NBPF12: variants seen among roughly 807,000 people sequenced by gnomAD.
The protein encoded by NBPF12 is NBPF member 12, also known as NBPF family member NBPF12.
NBPF12 carries 115 observed loss-of-function variants against 146.4 expected under a neutral mutation model. That is an observed-to-expected ratio of 0.79 (90% CI 0.68 to 0.92). The LOEUF (loss-of-function observed/expected upper bound fraction) is 0.92. Ranked by LOEUF, NBPF12 falls within the 40% of genes least tolerant of loss-of-function variation. The probability of loss-of-function intolerance (pLI) is 0.00; values close to 1 mark genes in which losing one functional copy is unlikely to be tolerated. For synonymous variants in NBPF12, 385 were observed against 508.9 expected (o/e 0.76, Z 3.28); for missense variants, 1,205 against 1,326.8 (o/e 0.91, Z 1.43).
exon 20 of NBPF12, chr1:146,983,034 A>G: frequency 6.2e-7 from 1 of 1,608,300 alleles, no homozygotes; most frequent in Non-Finnish European, 8.5e-7. Flanking sequence ...CCAGTCTTAC[A>G]GCAGCACATT....
At chr1:146,945,338 C>T (rs1399021758), upstream of NBPF12, among the ~76,000 whole-genome samples, 4 of 151,142 alleles carry the variant, frequency 2.6e-5, no homozygotes, top group East Asian at 8.0e-4. Flanking sequence ...GGGGCAGCTG[C>T]TGAGTCTCAG....
rs1656092080 is a variant in NBPF12 at position 146,964,889 on chromosome 1, T to C, written c.567-4T>C. On this transcript the variant is annotated splice_region_variant and splice_polypyrimidine_tract_variant and intron_variant, in intron 7 of 33. Coordinates refer to ENST00000617844, the Ensembl canonical transcript of NBPF12. ...TGTCATCTCTGTCCCACCTGGCTCA[T>C]CAGGGAGGTGCAGAAGGCTGAAGAG... The C allele has an allele frequency of 8.9e-6, 14 of 1,580,312 alleles. No homozygotes were observed. In the South Asian group the frequency reaches 1.4e-4, roughly 16 times the overall value.
At chr1:146,946,337 G>C (rs1247446196), upstream of NBPF12, among the ~76,000 whole-genome samples, 1 of 151,190 alleles carries the variant, frequency 6.6e-6, no homozygotes, top group Admixed American at 6.6e-5. Flanking sequence ...GGTTGTTCCT[G>C]ATCTTTGACA....
intron 8 of NBPF12, among the ~76,000 whole-genome samples, chr1:146,966,084 G>A (rs1553885615): frequency 1.3e-4 from 19 of 151,870 alleles, no homozygotes; most frequent in East Asian, 3.9e-4. Flanking sequence ...TGCAGCCTGC[G>A]CGACAGAGTG....
At chr1:146,976,488 C>T (rs1198808684) in intron 16 of NBPF12, among the ~76,000 whole-genome samples, 2 of 114,942 alleles carry the variant, frequency 1.7e-5, no homozygotes, top group African/African-American at 3.7e-5. Flanking sequence ...CCCTGAATAA[C>T]ACAGCAGAAG....
At chr1:146,940,555 CA>C (rs1176310781) in intron 1 of NBPF12, among the ~76,000 whole-genome samples, 97,767 of 133,552 alleles carry the variant, frequency 0.73, 34,664 homozygotes, top group East Asian at 0.91. Context: ...AACCCTGCCT[CA>C]AAAAAAAAAA....
chr1:146,994,175 G>T (rs1331789805), intron 33 of NBPF12, among the ~76,000 whole-genome samples, 157 bp from the exon 37 acceptor site: 222 of 125,650 alleles, frequency 1.8e-3, no homozygotes, highest in Admixed American at 2.1e-3. Context: ...ACCTGGCCCT[G>T]TTCTATCCCA....
chr1:146,957,787 T>A (rs1287294477), intron 2 of NBPF12: 1 of 130,710 alleles, frequency 7.7e-6, no homozygotes, highest in African/African-American at 2.7e-5. Context: ...GCCACGACTC[T>A]GCTAGCTGTG....
chr1:146,970,563 G>A (rs1387335491), intron 11 of NBPF12, 84 bp from the exon 15 acceptor site: 271,670 of 1,504,278 alleles, frequency 0.18, 26,091 homozygotes, highest in South Asian at 0.22. Flanking sequence ...ATACATAGAT[G>A]TTCATGTCTC....
intron 14 of NBPF12, among the ~76,000 whole-genome samples, chr1:146,973,562 A>C (rs1209313314): frequency 8.9e-6 from 1 of 111,974 alleles, no homozygotes; most frequent in Non-Finnish European, 1.9e-5. Context: ...GGCTGAGGCG[A>C]GTAGAGCACG....
chr1:146,994,674 A>T, exon 34 of NBPF12: 2 of 1,555,206 alleles, frequency 1.3e-6, no homozygotes, highest in Non-Finnish European at 1.7e-6. Context: ...AAGCCCAGAC[A>T]TAGGATGGGT....
At chr1:146,941,660 A>G (rs1202249688) in intron 1 of NBPF12, among the ~76,000 whole-genome samples, 1 of 145,188 alleles carries the variant, frequency 6.9e-6, no homozygotes, top group Non-Finnish European at 1.5e-5. Flanking sequence ...AGGCTGAGGC[A>G]GGAGAATTGC....
Position 146,963,947 on chromosome 1 carries a change from G to A in NBPF12, c.494-410G>A, listed in dbSNP as rs1221824710. Among the ~76,000 whole-genome samples, 11 of 134,640 alleles carry A rather than the reference G, an allele frequency of 8.2e-5. 1 individual carries two copies. Among genetic ancestry groups the A allele is most frequent in the Non-Finnish European group, 9.3e-5 (6 of 64,586 alleles). 88.3% of individuals were successfully genotyped at this position (134,640 alleles called of 152,430 possible). A position where few individuals can be genotyped will look rare whatever the true frequency, so the allele number is the denominator to read the frequency against. On this transcript the variant is annotated intron_variant, in intron 6 of 33. Coordinates refer to ENST00000617844, the Ensembl canonical transcript of NBPF12. ...ACATGGAGGGCCTGTGCAGTCTCAT[G>A]ACGAATAGAGGACTGTGGGACAAGT...
Position 146,939,139 on chromosome 1 carries a change from C to G in NBPF12, c.-822+157C>G, listed in dbSNP as rs1434630959. On this transcript the variant is annotated intron_variant, in intron 1 of 35. Transcript: ENST00000617931. ...GGGCTCCGCAGGGCTCCGCCGGGGC[C>G]TAAGTTCCCTGCGCTTGATTCCTCG... 1.9e-3 allele frequency among the ~76,000 whole-genome samples: 294 copies of G among 152,178 alleles called. 1 individual carries two copies. The highest frequency in any genetic ancestry group is 3.6e-3 in the Non-Finnish European group (243 of 68,022).
At chr1:146,948,067 A>G (rs1408067410), upstream of NBPF12, among the ~76,000 whole-genome samples, 1 of 151,830 alleles carries the variant, frequency 6.6e-6, no homozygotes, top group African/African-American at 2.4e-5. Context: ...CTCGAATGCA[A>G]CGGCGCCATC....
chr1:146,947,281 T>C (rs1348226135), upstream of NBPF12, among the ~76,000 whole-genome samples: 1 of 151,608 alleles, frequency 6.6e-6, no homozygotes, highest in Non-Finnish European at 1.5e-5. Flanking sequence ...ATTTAAGTGC[T>C]CCTCCCACTT....
intron 14 of NBPF12, among the ~76,000 whole-genome samples, chr1:146,973,735 C>G (rs1472061282): frequency 8.2e-5 from 12 of 147,154 alleles, no homozygotes; most frequent in Non-Finnish European, 1.6e-4. Flanking sequence ...TTGCAGTGAG[C>G]CAAGATTTTG....
upstream of NBPF12, among the ~76,000 whole-genome samples, chr1:146,944,984 CT>C (rs1654969915): frequency 2.1e-5 from 1 of 47,064 alleles, no homozygotes; most frequent in Non-Finnish European, 3.9e-5. Context: ...CCCTCCCTGC[CT>C]TCCTTCCTCC....
At chr1:146,939,108 A>G (rs1654670295) in intron 1 of NBPF12, 96 bp downstream of exon 1, 1 of 152,120 alleles carries the variant, frequency 6.6e-6, no homozygotes, top group African/African-American at 2.4e-5. Flanking sequence ...TGCGCCGGGC[A>G]CTGCCGGGCT....
Sources: gnomAD v4.1 joint callset for allele counts (sites outside exome capture counted in the v4.1 genomes callset) on GRCh38, gnomAD v4.1.1 for gene constraint, MANE v1.5 for transcripts, NCBI Gene and HGNC (gene_info 2026-07-23, HGNC 2026-07-21) for gene names.